MARVELD2: variants seen among roughly 807,000 people sequenced by gnomAD.
MARVELD2 encodes the protein MARVEL domain-containing protein 2.
In MARVELD2, 49 loss-of-function variants were observed where a neutral mutation model predicts 57.6. That is an observed-to-expected ratio of 0.85 (90% confidence interval 0.68 to 1.08). MARVELD2 has a LOEUF of 1.08. Ranked by LOEUF, MARVELD2 falls within the 50% of genes least tolerant of loss-of-function variation. The pLI, the probability that MARVELD2 is intolerant of heterozygous loss-of-function variation, is 0.00. For synonymous variants in MARVELD2, 238 were observed against 258.8 expected (o/e 0.92, Z 0.77); for missense variants, 606 against 701.1 (o/e 0.86, Z 1.53).
rs1452071143 is a variant in MARVELD2, at chr5:69,432,050, T to C, written c.1183-477T>C. Among the ~76,000 whole-genome samples the C allele has an allele frequency of 1.3e-5, 2 of 151,352 alleles. 1 individual carries two copies. The highest frequency in any genetic ancestry group is 1.3e-4 in the Admixed American group (2 of 15,146). ...TTTTTAAACAGAGTCTCAGTCTGTC[T>C]CCCAAGCTGGAGTGCAGTGGTACAA... On this transcript the variant is annotated intron_variant, in intron 3 of 6. Coordinates refer to ENST00000325631, the MANE Select transcript of MARVELD2 (RefSeq NM_001038603.3).
intron 5 of MARVELD2, among the ~76,000 whole-genome samples, chr5:69,435,791 C>T (rs561238738): frequency 6.1e-5 from 9 of 147,822 alleles, no homozygotes; most frequent in African/African-American, 2.0e-4. Context: ...AAACCCTTTA[C>T]GAATTAGCAG....
chr5:69,417,441 G>A (rs1194600389), intron 1 of MARVELD2, among the ~76,000 whole-genome samples: 1 of 152,258 alleles, frequency 6.6e-6, no homozygotes, highest in African/African-American at 2.4e-5. Flanking sequence ...GTTAAATGAA[G>A]GGTCTTCGTT....
chr5:69,424,522 A>C, intron 2 of MARVELD2, 79 bp from the exon 3 acceptor site: 2 of 1,216,982 alleles, frequency 1.6e-6, no homozygotes, highest in East Asian at 4.7e-5. Flanking sequence ...AGGTTGGGCT[A>C]TAAATGCAAA....
chr5:69,436,455 A>G (rs1299262849), intron 5 of MARVELD2, among the ~76,000 whole-genome samples: 1 of 63,852 alleles, frequency 1.6e-5, no homozygotes, highest in East Asian at 5.4e-4. Context: ...ACACACACAT[A>G]TATATAAATT....
At position 69,443,558 on chromosome 5, in the gene MARVELD2, T is replaced by G. The variant is rs1202533005; in HGVS notation, c.*1904T>G. On this transcript the variant is annotated 3_prime_UTR_variant, in exon 7 of 7. Coordinates refer to ENST00000325631, the MANE Select transcript of MARVELD2 (RefSeq NM_001038603.3). The stretch of plus-strand genomic sequence containing the variant: ...TTGGACTTTATTCATAAATGTTTTA[T>G]TTCTGTTAGTATGAACAATAGACTG... 6.6e-6 allele frequency: 1 copy of G among 152,202 alleles called. No individual in the cohort carries two copies. Among genetic ancestry groups the G allele is most frequent in the East Asian group, 1.9e-4 (1 of 5,200 alleles). The allele number at this position is 152,202 out of a possible 1,614,324, so 9.4% of individuals were successfully genotyped here.
intron 3 of MARVELD2, among the ~76,000 whole-genome samples, chr5:69,430,613 C>T (rs1334119871): frequency 6.6e-6 from 1 of 151,222 alleles, no homozygotes. Context: ...AGCTCCTTGC[C>T]ACCTCCGCCT....
intron 3 of MARVELD2, among the ~76,000 whole-genome samples, chr5:69,427,725 AG>A (rs1766837312): frequency 6.6e-6 from 1 of 152,216 alleles, no homozygotes; most frequent in Non-Finnish European, 1.5e-5. Context: ...GTACTGTCTA[AG>A]AGTGGCCTTT....
intron 2 of MARVELD2, among the ~76,000 whole-genome samples, chr5:69,423,836 G>A (rs1766703300): frequency 6.6e-6 from 1 of 152,104 alleles, no homozygotes; most frequent in East Asian, 1.9e-4. Flanking sequence ...TTCTAAAAAT[G>A]TGTCTTAGCA....
At chr5:69,420,909 T>C (rs949151551) in intron 2 of MARVELD2, among the ~76,000 whole-genome samples, 2 of 152,208 alleles carry the variant, frequency 1.3e-5, no homozygotes, top group African/African-American at 4.8e-5. Flanking sequence ...TTGAGAACAA[T>C]CTTAATTCTT....
chr5:69,419,316 A>C, intron 1 of MARVELD2, 55 bp from the exon 2 acceptor site: 1 of 1,557,204 alleles, frequency 6.4e-7, no homozygotes, highest in South Asian at 1.1e-5. Context: ...TAAAATCAGC[A>C]TCATTGAGAG....
rs571261434 is a variant in MARVELD2 at position 69,428,931 on chromosome 5, A to G, written c.1183-3596A>G. ...AAAAATGCTCCCCCTAATGTTTAAT[A>G]CCATTATTCGTTTTCAAGACTAAGT... On this transcript the variant is annotated intron_variant, in intron 3 of 6. Coordinates refer to ENST00000325631, the MANE Select transcript of MARVELD2 (RefSeq NM_001038603.3). Among the ~76,000 whole-genome samples the G allele has an allele frequency of 3.3e-5, 5 of 152,356 alleles. No individual in the cohort carries two copies. The East Asian group carries it at 9.6e-4, about 29-fold the overall frequency.
chr5:69,438,156 G>A (rs1767216087), intron 5 of MARVELD2, among the ~76,000 whole-genome samples: 1 of 152,096 alleles, frequency 6.6e-6, no homozygotes, highest in African/African-American at 2.4e-5. Context: ...CACAGACATG[G>A]TTGTGCACCA....
chr5:69,442,214 A>G lies in MARVELD2; in HGVS notation c.*560A>G, dbSNP rs745610060. On this transcript the variant is annotated 3_prime_UTR_variant, in exon 7 of 7. Transcript: ENST00000325631. ...AGTGTGATGGGCAAGTGGACCATCA[A>G]TTCTGGTGCTACTTTTTCCTTTTTT... 1.3e-5 allele frequency: 2 copies of G among 152,198 alleles called. No homozygotes were observed. The highest frequency in any genetic ancestry group is 6.5e-5 in the Admixed American group (1 of 15,268). 9.4% of individuals were successfully genotyped at this position (152,198 alleles called of 1,614,324 possible).
chr5:69,428,868 A>G (rs932884262), intron 3 of MARVELD2, among the ~76,000 whole-genome samples: 11 of 152,206 alleles, frequency 7.2e-5, no homozygotes, highest in African/African-American at 2.4e-4. Context: ...AAAATAAAAC[A>G]GAAGTTAAAG....
chr5:69,429,882 T>C (rs898897215), intron 3 of MARVELD2, among the ~76,000 whole-genome samples: 4 of 134,594 alleles, frequency 3.0e-5, no homozygotes, highest in African/African-American at 1.1e-4. Flanking sequence ...ATAAACCAAA[T>C]AGTTCTGGGT....
At chr5:69,423,789 A>G (rs527436572) in intron 2 of MARVELD2, among the ~76,000 whole-genome samples, 32 of 152,262 alleles carry the variant, frequency 2.1e-4, no homozygotes, top group South Asian at 1.0e-3. Flanking sequence ...TCACAAAATA[A>G]TTTATCTTGC....
intron 5 of MARVELD2, among the ~76,000 whole-genome samples, chr5:69,439,234 C>A (rs1767254111): frequency 6.6e-6 from 1 of 151,604 alleles, no homozygotes; most frequent in Non-Finnish European, 1.5e-5. Flanking sequence ...GATCTTGGCT[C>A]ACTGCAACCT....
chr5:69,440,875 G>A (rs570806570), intron 6 of MARVELD2, among the ~76,000 whole-genome samples: 1 of 152,318 alleles, frequency 6.6e-6, no homozygotes, highest in African/African-American at 2.4e-5. Context: ...TTGAGCCCAG[G>A]AGTTTGAGAC....
At position 69,442,119 on chromosome 5, in the gene MARVELD2, C is replaced by G. The variant is rs1767346623; in HGVS notation, c.*465C>G. 6.5e-6 allele frequency: 1 copy of G among 154,592 alleles called. No homozygotes were observed. The highest frequency in any genetic ancestry group is 1.9e-4 in the East Asian group (1 of 5,264). The allele number at this position is 154,592 out of a possible 1,614,324, so 9.6% of individuals were successfully genotyped here. On this transcript the variant is annotated 3_prime_UTR_variant, in exon 7 of 7. Coordinates refer to ENST00000325631, the MANE Select transcript of MARVELD2 (RefSeq NM_001038603.3). ...TGGAAAAAATCCTGTGTTCATCTTT[C>G]ATCTGTGACCAATTTCATATTCATC...
Sources: gnomAD v4.1 joint callset for allele counts (sites outside exome capture counted in the v4.1 genomes callset) on GRCh38, gnomAD v4.1.1 for gene constraint, MANE v1.5 for transcripts, NCBI Gene and HGNC (gene_info 2026-07-23, HGNC 2026-07-21) for gene names.